PARN: variants seen among roughly 807,000 people sequenced by gnomAD.
PARN encodes poly(A)-specific ribonuclease PARN.
In PARN, 71 loss-of-function variants were observed where a neutral mutation model predicts 102.8. That is an observed-to-expected ratio of 0.69 (90% CI 0.57 to 0.84). The LOEUF (loss-of-function observed/expected upper bound fraction) is 0.84. Among genes scored for constraint, PARN ranks in the 40% least tolerant of loss-of-function variants. The pLI is 0.00. For missense variants in PARN, 782 were observed against 760.9 expected (o/e 1.03, Z -0.33); for synonymous variants, 261 against 252.9 (o/e 1.03, Z -0.30).
intron 22 of PARN, among the ~76,000 whole-genome samples, chr16:14,459,933 T>C (rs962760655): frequency 6.6e-6 from 1 of 152,178 alleles, no homozygotes; most frequent in African/African-American, 2.4e-5. Flanking sequence ...TGCATATCTA[T>C]ATGCAAAAAA....
chr16:14,525,229 T>C (rs939829750), intron 21 of PARN, among the ~76,000 whole-genome samples: 3 of 152,188 alleles, frequency 2.0e-5, no homozygotes, highest in African/African-American at 7.2e-5. Context: ...GGATAAAGGC[T>C]GTTCCCCAAG....
intron 12 of PARN, among the ~76,000 whole-genome samples, chr16:14,598,108 C>T (rs1447854984): frequency 6.6e-6 from 1 of 152,046 alleles, no homozygotes; most frequent in Non-Finnish European, 1.5e-5. Flanking sequence ...TGCGCCACTG[C>T]ACTCCAGCAG....
At chr16:14,609,453 C>T (rs572776647) in intron 7 of PARN, among the ~76,000 whole-genome samples, 26 of 152,088 alleles carry the variant, frequency 1.7e-4, no homozygotes, top group African/African-American at 5.3e-4. Flanking sequence ...TAACTGTGGT[C>T]CCAGCTACTC....
At chr16:14,596,803 T>C (rs930587329) in intron 12 of PARN, among the ~76,000 whole-genome samples, 77 of 151,002 alleles carry the variant, frequency 5.1e-4, no homozygotes, top group Admixed American at 9.2e-4. Context: ...TTTTTTTTTT[T>C]CGAGACAGGG....
intron 23 of PARN, among the ~76,000 whole-genome samples, chr16:14,442,385 T>C (rs146639702): frequency 3.3e-5 from 5 of 152,230 alleles, no homozygotes; most frequent in Non-Finnish European, 7.4e-5. Flanking sequence ...GCGTACCGAG[T>C]ATGTACCTAG....
At chr16:14,596,578 A>G (rs926050776) in intron 12 of PARN, among the ~76,000 whole-genome samples, 1 of 151,830 alleles carries the variant, frequency 6.6e-6, no homozygotes, top group Admixed American at 6.6e-5. Context: ...TCCACAAAAA[A>G]AATATATATA....
At chr16:14,498,850 T>C (rs764249109) in intron 21 of PARN, among the ~76,000 whole-genome samples, 1 of 152,240 alleles carries the variant, frequency 6.6e-6, no homozygotes, top group Non-Finnish European at 1.5e-5. Context: ...TTATTTTTAT[T>C]TTCCACATCA....
chr16:14,532,750 G>T (rs1049596856), intron 21 of PARN, among the ~76,000 whole-genome samples: 3 of 151,442 alleles, frequency 2.0e-5, no homozygotes, highest in African/African-American at 4.8e-5. Flanking sequence ...CGGCTGGCCG[G>T]GTGGGGGGCT....
intron 5 of PARN, among the ~76,000 whole-genome samples, chr16:14,619,931 G>A (rs1286085461): frequency 3.3e-5 from 5 of 151,066 alleles, no homozygotes; most frequent in Admixed American, 2.0e-4. Context: ...TTAGCCAGGC[G>A]TGGTGGTGCA....
At chr16:14,565,849 A>T (rs1968396124) in intron 18 of PARN, among the ~76,000 whole-genome samples, 1 of 152,140 alleles carries the variant, frequency 6.6e-6, no homozygotes, top group Admixed American at 6.6e-5. Flanking sequence ...ATTTTCCCCT[A>T]TCTATGAGGG....
intron 21 of PARN, among the ~76,000 whole-genome samples, chr16:14,507,501 G>A (rs377518917): frequency 2.1e-4 from 32 of 151,616 alleles, no homozygotes; most frequent in South Asian, 4.2e-4. Context: ...GTATGAGACC[G>A]ACCTGGCCAA....
chr16:14,608,147 G>A, intron 9 of PARN, 134 bp downstream of exon 9: 1 of 680,524 alleles, frequency 1.5e-6, no homozygotes, highest in South Asian at 1.8e-5. Flanking sequence ...ACTTAAGAAA[G>A]TAGGGGGAAC....
intron 21 of PARN, among the ~76,000 whole-genome samples, chr16:14,523,271 C>CAT (rs990134094): frequency 9.9e-5 from 15 of 151,228 alleles, no homozygotes; most frequent in African/African-American, 2.7e-4. Context: ...TATACATATA[C>CAT]ATATATATAT....
intron 12 of PARN, 31 bp downstream of exon 12, chr16:14,599,873 G>A (rs1440686715): frequency 2.1e-6 from 3 of 1,413,778 alleles, no homozygotes; most frequent in South Asian, 1.2e-5. Context: ...AGTATGTTCT[G>A]CAATCTTGCT....
At chr16:14,621,102 T>C (rs1238843769) in intron 5 of PARN, among the ~76,000 whole-genome samples, 1 of 152,128 alleles carries the variant, frequency 6.6e-6, no homozygotes, top group Non-Finnish European at 1.5e-5. Flanking sequence ...TTTTATACTT[T>C]ACAACAAGCA....
intron 22 of PARN, among the ~76,000 whole-genome samples, chr16:14,469,109 C>G (rs959015682): frequency 1.3e-5 from 2 of 151,886 alleles, no homozygotes; most frequent in African/African-American, 4.8e-5. Context: ...ACCAGCCTGG[C>G]CAACATGGTG....
At chr16:14,532,017 C>A (rs1173027898) in intron 21 of PARN, among the ~76,000 whole-genome samples, 3 of 151,906 alleles carry the variant, frequency 2.0e-5, no homozygotes, top group Non-Finnish European at 4.4e-5. Context: ...GAGCTATGAT[C>A]GCACTGCTGT....
intron 17 of PARN, 134 bp downstream of exon 17, chr16:14,582,047 T>A: frequency 1.4e-6 from 1 of 699,236 alleles, no homozygotes; most frequent in East Asian, 2.5e-5. Flanking sequence ...TCCAGCCTCC[T>A]GAACATGAGA....
chr16:14,590,337 A>C (rs1423968777), intron 13 of PARN, among the ~76,000 whole-genome samples: 1 of 151,226 alleles, frequency 6.6e-6, no homozygotes, highest in Admixed American at 6.6e-5. Context: ...CATTAGACTT[A>C]AGAAATGCCA....
Sources: allele counts gnomAD v4.1 joint callset (sites outside exome capture counted in the v4.1 genomes callset), GRCh38; gene constraint gnomAD v4.1.1; transcripts MANE v1.5; gene names NCBI Gene and HGNC (gene_info 2026-07-23, HGNC 2026-07-21).